The following MPDZ variants were observed in gnomAD, a reference collection of about 807,000 sequenced individuals.
MPDZ encodes multiple PDZ domain protein.
In MPDZ, 234 loss-of-function variants were observed where a neutral mutation model predicts 239.1. The ratio of observed to expected loss-of-function variants is 0.98; its 90% CI spans 0.88 to 1.09. MPDZ has a LOEUF of 1.09. MPDZ is among the 50% of genes least tolerant of loss of function. MPDZ has a pLI of 0.00. For synonymous variants in MPDZ, 1,048 were observed against 881.3 expected, an observed-to-expected ratio of 1.19 and a Z score of -3.35; for missense variants, 3,175 against 2,510.0, an observed-to-expected ratio of 1.26 and a Z score of -5.66.
intron 16 of MPDZ, among the ~76,000 whole-genome samples, chr9:13,189,588 A>T (rs544562297): frequency 2.6e-5 from 4 of 152,276 alleles, no homozygotes; most frequent in African/African-American, 7.2e-5. Flanking sequence ...TAAGTAAGGA[A>T]CAACAGCTGC....
chr9:13,260,053 G>C (rs1038096910), intron 1 of MPDZ, among the ~76,000 whole-genome samples: 1 of 151,838 alleles, frequency 6.6e-6, no homozygotes, highest in African/African-American at 2.4e-5. Context: ...TGTTGGTCAG[G>C]CTGGTCTTGA....
chr9:13,124,460 G>A (rs891321797), intron 35 of MPDZ, among the ~76,000 whole-genome samples: 10 of 152,008 alleles, frequency 6.6e-5, no homozygotes, highest in Admixed American at 2.6e-4. Context: ...TCCACCCCCC[G>A]TTACAGAAAA....
intron 11 of MPDZ, 110 bp downstream of exon 11, chr9:13,205,806 G>A: frequency 1.0e-6 from 1 of 1,001,988 alleles, no homozygotes; most frequent in Non-Finnish European, 1.4e-6. Context: ...AGGGTAAAAA[G>A]CATTCTGAAT....
chr9:13,212,629 G>C (rs73408211), intron 10 of MPDZ, among the ~76,000 whole-genome samples: 3,482 of 151,466 alleles, frequency 0.023, 131 homozygotes, highest in South Asian at 0.082. Flanking sequence ...GAGTGCAGTA[G>C]AACTAGGTAG....
intron 45 of MPDZ, 108 bp from the exon 46 acceptor site, chr9:13,109,167 T>C: frequency 3.3e-6 from 3 of 912,618 alleles, no homozygotes; most frequent in Non-Finnish European, 4.3e-6. Flanking sequence ...TTCTCTTTGT[T>C]ACTGACAAGG....
intron 12 of MPDZ, among the ~76,000 whole-genome samples, chr9:13,204,432 A>G (rs753595005): frequency 3.2e-4 from 49 of 152,210 alleles, no homozygotes; most frequent in Non-Finnish European, 5.7e-4. Context: ...AATACGAATA[A>G]TAATAATAAT....
At chr9:13,158,851 A>G (rs1950136541) in intron 23 of MPDZ, among the ~76,000 whole-genome samples, 4 of 152,204 alleles carry the variant, frequency 2.6e-5, no homozygotes, top group Admixed American at 2.6e-4. Flanking sequence ...TGTTAGTCCA[A>G]AGGAATACTT....
intron 1 of MPDZ, chr9:13,274,587 A>C (rs1973736622): frequency 1.3e-5 from 2 of 151,898 alleles, no homozygotes; most frequent in South Asian, 2.1e-4. Flanking sequence ...GGTTTCATTA[A>C]CTCAACAAAT....
At chr9:13,121,625 T>G in intron 38 of MPDZ, 114 bp downstream of exon 38, 1 of 1,058,316 alleles carries the variant, frequency 9.4e-7, no homozygotes, top group Non-Finnish European at 1.4e-6. Context: ...TAACAACAGC[T>G]ACCTACTGAA....
At chr9:13,199,821 T>C (rs747672387) in intron 12 of MPDZ, among the ~76,000 whole-genome samples, 1 of 152,156 alleles carries the variant, frequency 6.6e-6, no homozygotes, top group South Asian at 2.1e-4. Flanking sequence ...AACTTGATTA[T>C]GATTAATGAT....
Position 13,150,539 on chromosome 9 carries a change from G to A in MPDZ, c.3602C>T (p.Thr1201Ile). Residue 1201 changes from threonine to isoleucine, a missense_variant, in exon 25 of 47, where the codon ACC (threonine) becomes ATC (isoleucine). Physicochemically the swap from Thr to Ile is moderately conservative, Grantham distance 89. Transcript: ENST00000319217. Reference sequence around the variant, plus strand: ...TACGATTCTATCTCCAGGTTTCAAGGTTCCATTTTTGCCAGCTGGACTATC... The same window carrying A: ...TACGATTCTATCTCCAGGTTTCAAGATTCCATTTTTGCCAGCTGGACTATC... ...LEDSPAGKNG[T>I]LKPGDRIVEV... 2.5e-6 allele frequency: 4 copies of A among 1,575,798 alleles called. No individual in the cohort carries two copies. Among genetic ancestry groups the A allele is most frequent in the Non-Finnish European group, 3.5e-6 (4 of 1,159,384 alleles).
At chr9:13,117,713 G>A (rs755958570) in intron 39 of MPDZ, among the ~76,000 whole-genome samples, 17 of 152,080 alleles carry the variant, frequency 1.1e-4, no homozygotes, top group Non-Finnish European at 1.9e-4. Context: ...GCATGAAGTT[G>A]TGTATAGAGG....
In MPDZ at chr9:13,217,187, T is replaced by C; in HGVS notation, c.1194A>G (p.Lys398=). 6.3e-7 allele frequency: 1 copy of C among 1,578,512 alleles called. No individual in the cohort carries two copies. Among genetic ancestry groups the C allele is most frequent in the East Asian group, 2.3e-5 (1 of 44,288 alleles). Residue 398 remains lysine, a synonymous_variant, in exon 9 of 47, where the codon AAA becomes AAG. Transcript: ENST00000319217. ...CTTAATGTTTAAAATTACCCAATTT[T>C]TTATCTCCAATGTAGCCAGCAATGG... ...GITIAGYIGD[K]KLEPSGIFVK...
At chr9:13,148,895 TTC>T (rs1279672221) in intron 25 of MPDZ, among the ~76,000 whole-genome samples, 1 of 151,980 alleles carries the variant, frequency 6.6e-6, no homozygotes, top group Non-Finnish European at 1.5e-5. Flanking sequence ...CACAAAAAAG[TTC>T]TTTCTTTTCC....
intron 12 of MPDZ, among the ~76,000 whole-genome samples, chr9:13,197,161 A>C (rs1415549928): frequency 6.7e-6 from 1 of 149,356 alleles, no homozygotes; most frequent in African/African-American, 2.5e-5. Flanking sequence ...ACAATAAACT[A>C]TATATATATA....
chr9:13,138,037 T>C lies in MPDZ; in HGVS notation c.4120A>G (p.Ser1374Gly), dbSNP rs990451821. The change falls in exon 29 of 47, where the codon AGT (serine) becomes GGT (glycine). Residue 1374 changes from serine (S) to glycine (G), a missense_variant. Physicochemically the swap from Ser to Gly is moderately conservative, Grantham distance 56. Coordinates refer to ENST00000319217, the MANE Select transcript of MPDZ (RefSeq NM_001378778.1). ...GGATCAATCCCCACTATGAAGACAC[T>C]CATCCTGGATCGGTCTTTGTTCCCA... is the stretch of plus-strand genomic sequence containing the variant. ...LAGNKDRSRM[S>G]VFIVGIDPNG... 5 of 1,613,878 alleles carry C rather than the reference T, an allele frequency of 3.1e-6. No individual in the cohort carries two copies. Among genetic ancestry groups the C allele is most frequent in the Admixed American group, 1.7e-5 (1 of 60,024 alleles).
At chr9:13,136,639 T>G in intron 30 of MPDZ, 73 bp downstream of exon 30, 1 of 1,041,496 alleles carries the variant, frequency 9.6e-7, no homozygotes. Flanking sequence ...AATGTTTTCT[T>G]TTCATTCAAA....
intron 3 of MPDZ, among the ~76,000 whole-genome samples, chr9:13,239,746 CT>C (rs1160544113): frequency 2.6e-5 from 4 of 152,084 alleles, no homozygotes; most frequent in Non-Finnish European, 5.9e-5. Context: ...ATGGCATGGA[CT>C]TTATGCCAAA....
chr9:13,193,554 C>G (rs949472518), intron 13 of MPDZ, among the ~76,000 whole-genome samples: 1 of 152,116 alleles, frequency 6.6e-6, no homozygotes, highest in African/African-American at 2.4e-5. Context: ...TTACATAGGT[C>G]TCATCTGTTT....
Sources: gnomAD v4.1 joint callset for allele counts (sites outside exome capture counted in the v4.1 genomes callset) on GRCh38, gnomAD v4.1.1 for gene constraint, MANE v1.5 for transcripts, NCBI Gene and HGNC (gene_info 2026-07-23, HGNC 2026-07-21) for gene names.